Variants in CNTN4 observed in about 807,000 individuals in gnomAD.
CNTN4 encodes the protein contactin 4.
A neutral mutation model predicts 122.5 loss-of-function variants in CNTN4; 77 were observed. The observed-to-expected ratio is 0.63, with a 90% CI of 0.52 to 0.76. CNTN4 has a LOEUF of 0.76. Among genes scored for constraint, CNTN4 ranks in the 30% least tolerant of loss-of-function variants. The pLI, the probability that CNTN4 is intolerant of heterozygous loss-of-function variation, is 0.00. For synonymous variants in CNTN4, 512 were observed against 447.0 expected (o/e 1.15, Z -1.83); for missense variants, 1,256 against 1,259.1 (o/e 1.00, Z 0.04).
intron 3 of CNTN4, among the ~76,000 whole-genome samples, chr3:2,552,963 G>A (rs1396276740): frequency 2.0e-5 from 3 of 152,122 alleles, no homozygotes; most frequent in Non-Finnish European, 4.4e-5. Flanking sequence ...CTCACTCACT[G>A]TGTGTACTTG....
At chr3:2,404,107 ATTG>A (rs1353747198) in intron 3 of CNTN4, among the ~76,000 whole-genome samples, 7 of 152,184 alleles carry the variant, frequency 4.6e-5, no homozygotes, top group African/African-American at 1.7e-4. Context: ...ATTTCTCTGA[ATTG>A]TTGTTCTGCA....
chr3:2,247,345 T>C (rs1486886926), intron 2 of CNTN4, among the ~76,000 whole-genome samples: 1 of 152,034 alleles, frequency 6.6e-6, no homozygotes, highest in Non-Finnish European at 1.5e-5. Context: ...GCAGATCTAC[T>C]TTTCTGTGCT....
At chr3:2,928,890 T>G (rs1165593369) in intron 13 of CNTN4, among the ~76,000 whole-genome samples, 1 of 152,238 alleles carries the variant, frequency 6.6e-6, no homozygotes, top group Middle Eastern at 3.2e-3. Context: ...TGTAGTTAGC[T>G]AAGTGGATAT....
At chr3:3,031,215 A>G (rs1042618752) in intron 16 of CNTN4, among the ~76,000 whole-genome samples, 1 of 152,202 alleles carries the variant, frequency 6.6e-6, no homozygotes, top group African/African-American at 2.4e-5. Context: ...ATAATTGAGT[A>G]AATCGAGTAC....
chr3:2,368,644 G>A (rs1023661312), intron 3 of CNTN4, among the ~76,000 whole-genome samples: 35 of 150,460 alleles, frequency 2.3e-4, no homozygotes, highest in African/African-American at 7.4e-4. Flanking sequence ...TGAATAAACC[G>A]TACCCTTCAC....
chr3:2,967,834 G>A (rs945974595), intron 13 of CNTN4, among the ~76,000 whole-genome samples: 21 of 150,350 alleles, frequency 1.4e-4, no homozygotes, highest in African/African-American at 4.9e-4. Context: ...ACCTACTTCA[G>A]AGGAGTTTTG....
intron 23 of CNTN4, among the ~76,000 whole-genome samples, chr3:3,052,898 T>A (rs1006209964): frequency 6.6e-6 from 1 of 152,232 alleles, no homozygotes; most frequent in Non-Finnish European, 1.5e-5. Context: ...AGAGTCGTGA[T>A]CATAACTTAT....
At chr3:2,443,225 C>A (rs2048502970) in intron 3 of CNTN4, among the ~76,000 whole-genome samples, 1 of 151,952 alleles carries the variant, frequency 6.6e-6, no homozygotes, top group Non-Finnish European at 1.5e-5. Context: ...GGAAGCCTTG[C>A]AGGAAAAAGT....
At chr3:2,431,393 GA>G (rs2048064757) in intron 3 of CNTN4, among the ~76,000 whole-genome samples, 1 of 152,172 alleles carries the variant, frequency 6.6e-6, no homozygotes, top group Admixed American at 6.5e-5. Context: ...TAAATGCAAA[GA>G]ATAAGTTTTG....
intron 13 of CNTN4, among the ~76,000 whole-genome samples, chr3:2,940,362 A>G (rs1478347776): frequency 2.0e-5 from 3 of 152,238 alleles, no homozygotes; most frequent in South Asian, 4.1e-4. Context: ...TTTGGTGACA[A>G]TGAATTCACA....
chr3:2,580,704 A>G (rs2079895985), intron 4 of CNTN4, among the ~76,000 whole-genome samples: 2 of 152,226 alleles, frequency 1.3e-5, no homozygotes, highest in African/African-American at 2.4e-5. Context: ...CTATTTAAGA[A>G]GGCTGTTAGG....
intron 3 of CNTN4, among the ~76,000 whole-genome samples, chr3:2,360,800 C>T (rs2045102457): frequency 6.6e-6 from 1 of 152,150 alleles, no homozygotes; most frequent in Admixed American, 6.5e-5. Flanking sequence ...CTACCTTCAC[C>T]TGGTCTCTCC....
At chr3:2,785,888 C>G (rs1486897911) in intron 6 of CNTN4, among the ~76,000 whole-genome samples, 1 of 31,326 alleles carries the variant, frequency 3.2e-5, no homozygotes, top group African/African-American at 1.2e-4. Context: ...CCACCCTGGC[C>G]CACGCTGCCC....
At chr3:2,831,199 G>A (rs1359516288) in intron 7 of CNTN4, among the ~76,000 whole-genome samples, 3 of 152,176 alleles carry the variant, frequency 2.0e-5, no homozygotes, top group African/African-American at 7.2e-5. Flanking sequence ...TATGAGGGTA[G>A]GATTAAAGCT....
At chr3:3,014,608 G>A (rs555057002) in intron 14 of CNTN4, among the ~76,000 whole-genome samples, 13 of 151,808 alleles carry the variant, frequency 8.6e-5, no homozygotes, top group Non-Finnish European at 1.6e-4. Flanking sequence ...AGCATGTGAT[G>A]TCTTTGTGGA....
intron 2 of CNTN4, among the ~76,000 whole-genome samples, chr3:2,231,405 C>T (rs2039484223): frequency 6.6e-6 from 1 of 152,160 alleles, no homozygotes; most frequent in Non-Finnish European, 1.5e-5. Context: ...TTCAGATGAT[C>T]TCCTTTTTGT....
intron 18 of CNTN4, chr3:3,037,571 T>C: frequency 1.9e-6 from 1 of 515,524 alleles, no homozygotes; most frequent in South Asian, 2.1e-5. Flanking sequence ...CGGTGCTTAG[T>C]CCTCTCAAAA....
intron 14 of CNTN4, among the ~76,000 whole-genome samples, chr3:2,993,047 T>G (rs1415979092): frequency 6.6e-6 from 1 of 152,188 alleles, no homozygotes; most frequent in African/African-American, 2.4e-5. Context: ...TTTCACACTA[T>G]GCTCTGTGGG....
chr3:2,395,399 G>A (rs934192286), intron 3 of CNTN4, among the ~76,000 whole-genome samples: 2 of 152,182 alleles, frequency 1.3e-5, no homozygotes, highest in African/African-American at 2.4e-5. Flanking sequence ...AGTGATAAAA[G>A]TATTTTATAT....
Sources: gnomAD v4.1 joint callset for allele counts (sites outside exome capture counted in the v4.1 genomes callset) on GRCh38, gnomAD v4.1.1 for gene constraint, MANE v1.5 for transcripts, NCBI Gene and HGNC (gene_info 2026-07-23, HGNC 2026-07-21) for gene names.